RGS4: variants seen among roughly 807,000 people sequenced by gnomAD.
RGS4 encodes schizophrenia disorder 9.
Under a neutral mutation model 21.6 loss-of-function variants are expected in RGS4, and 15 were observed. The ratio of observed to expected loss-of-function variants is 0.69; its 90% CI spans 0.46 to 1.07. The LOEUF is 1.07. RGS4 is among the 50% of genes least tolerant of loss of function. The probability of loss-of-function intolerance (pLI) is 0.00; values close to 1 mark genes in which losing one functional copy is unlikely to be tolerated. For synonymous variants in RGS4, 94 were observed against 85.5 expected (o/e 1.10, Z -0.55); for missense variants, 237 against 239.0 (o/e 0.99, Z 0.06).
chr1:163,069,288 C>T (rs1021407098), upstream of RGS4: 1 of 1,551,242 alleles, frequency 6.4e-7, no homozygotes, highest in Non-Finnish European at 8.7e-7. Flanking sequence ...GGAGCTGGTA[C>T]TGCAGAGCGG....
chr1:163,072,110 TG>T (rs1655336990), intron 1 of RGS4: 1 of 1,110,094 alleles, frequency 9.0e-7, no homozygotes, highest in Non-Finnish European at 1.1e-6. Flanking sequence ...TTGGTCAAAA[TG>T]ACGGGCATAT....
At chr1:163,069,253 G>C, upstream of RGS4, 1 of 1,549,490 alleles carries the variant, frequency 6.5e-7, no homozygotes, top group Non-Finnish European at 8.7e-7. Flanking sequence ...CTCTTTCAGG[G>C]GCTGGAGAGG....
rs948331091 is a variant in RGS4, at chr1:163,076,186, A to T, written c.*1626A>T. On this transcript the variant is annotated 3_prime_UTR_variant, in exon 5 of 5. Transcript: ENST00000367909. ...TTCTTCTAAAACTACTGCCTTTCAA[A>T]GTGCACACACACGCGTCCACATACA... The T allele has an allele frequency of 6.6e-6, 1 of 152,600 alleles. No homozygotes were observed. The highest frequency in any genetic ancestry group is 2.4e-5 in the African/African-American group (1 of 41,450). 9.5% of individuals were successfully genotyped at this position (152,600 alleles called of 1,614,324 possible). A position where few individuals can be genotyped will look rare whatever the true frequency, so the allele number is the denominator to read the frequency against.
upstream of RGS4, chr1:163,069,317 G>A (rs370032435): frequency 5.2e-6 from 8 of 1,551,404 alleles, no homozygotes; most frequent in Non-Finnish European, 7.0e-6. Flanking sequence ...TTGGCTGGAC[G>A]GTCGTAGCTG....
intron 4 of RGS4, chr1:163,073,844 T>C (rs1322544231): frequency 2.1e-5 from 10 of 465,632 alleles, no homozygotes. Context: ...TAATGTGCTA[T>C]CAAACACTAG....
chr1:163,069,252 G>A, upstream of RGS4: 1 of 1,549,036 alleles, frequency 6.5e-7, no homozygotes, highest in Non-Finnish European at 8.7e-7. Flanking sequence ...TCTCTTTCAG[G>A]GGCTGGAGAG....
chr1:163,070,727 T>C (rs979539458), intron 1 of RGS4: 16 of 152,290 alleles, frequency 1.1e-4, no homozygotes, highest in South Asian at 2.1e-4. Context: ...CTGGTAAATA[T>C]TTTGCAAAAC....
At chr1:163,072,202 C>T in intron 1 of RGS4, 193 bp from the exon 2 acceptor site, 1 of 1,006,138 alleles carries the variant, frequency 9.9e-7, no homozygotes, top group Non-Finnish European at 1.3e-6. Flanking sequence ...ATGACTGCCT[C>T]AAGGTTTTGT....
intron 1 of RGS4, among the ~76,000 whole-genome samples, chr1:163,071,267 A>G (rs1043760551): frequency 3.9e-5 from 6 of 152,136 alleles, no homozygotes; most frequent in African/African-American, 1.4e-4. Flanking sequence ...AGAAAATACT[A>G]TTTAAGGGAC....
Position 163,073,461 on chromosome 1 carries a change from C to T in RGS4, c.217C>T (p.Leu73=). Reference sequence around the variant, plus strand: ...TCCTTTCTCCTGTATCATAGGTGGGCTGGCAGCTTTCAAAGCTTTCTTGAA... The same window carrying T: ...TCCTTTCTCCTGTATCATAGGTGGGTTGGCAGCTTTCAAAGCTTTCTTGAA... ...LENLISHECG[L]AAFKAFLKSE... Residue 73 remains leucine, a synonymous_variant, in exon 4 of 5, where the codon CTG becomes TTG. Transcript: ENST00000367909. The T allele has an allele frequency of 6.3e-7, 1 of 1,576,468 alleles. No individual in the cohort carries two copies. The highest frequency in any genetic ancestry group is 1.4e-5 in the African/African-American group (1 of 73,242).
Position 163,073,446 on chromosome 1 carries a change from T to C in RGS4, c.212-10T>C, listed in dbSNP as rs190668999. 3.2e-5 allele frequency: 50 copies of C among 1,560,156 alleles called. No individual in the cohort carries two copies. The Admixed American group carries it at 1.0e-3, about 32-fold the overall frequency. On this transcript the variant is annotated splice_polypyrimidine_tract_variant and intron_variant, in intron 3 of 4. Coordinates refer to ENST00000367909, the MANE Select transcript of RGS4 (RefSeq NM_005613.6). The stretch of plus-strand genomic sequence containing the variant: ...TGATGACAACTGTGGTCCTTTCTCC[T>C]GTATCATAGGTGGGCTGGCAGCTTT...
At chr1:163,070,568 G>C (rs1003560443) in intron 1 of RGS4, 9 of 152,230 alleles carry the variant, frequency 5.9e-5, no homozygotes, top group African/African-American at 1.9e-4. Flanking sequence ...AAGCAGGAGG[G>C]TCTGGCAGAG....
upstream of RGS4, chr1:163,068,882 A>C: frequency 8.1e-7 from 1 of 1,230,562 alleles, no homozygotes; most frequent in South Asian, 1.3e-5. Context: ...CTGCGTGGAG[A>C]CGATGATCCT....
At chr1:163,073,733 A>G in intron 4 of RGS4, 111 bp downstream of exon 4, 1 of 643,322 alleles carries the variant, frequency 1.6e-6, no homozygotes, top group African/African-American at 1.9e-5. Context: ...TGCTATATAC[A>G]TATCTCAAAC....
chr1:163,074,192 A>T (rs1655420164), intron 4 of RGS4, 129 bp from the exon 5 acceptor site: 1 of 1,159,070 alleles, frequency 8.6e-7, no homozygotes, highest in Non-Finnish European at 1.2e-6. Context: ...GAGGACCCCA[A>T]TGTCACTTTT....
chr1:163,071,855 G>GCCGCCCCCCCCC (rs1557859054), intron 1 of RGS4: 2 of 1,816 alleles, frequency 1.1e-3, no homozygotes, highest in Non-Finnish European at 2.1e-3. Context: ...GGAACTGCTT[G>GCCGCCCCCCCCC]CCCCCCCCCC....
Position 163,076,196 on chromosome 1 carries a change from C to T in RGS4, c.*1636C>T, listed in dbSNP as rs1655491730. 1 of 152,614 alleles carries T rather than the reference C, an allele frequency of 6.6e-6. No individual in the cohort carries two copies. The highest frequency in any genetic ancestry group is 6.6e-5 in the Admixed American group (1 of 15,262). 9.5% of individuals were successfully genotyped at this position (152,614 alleles called of 1,614,324 possible). On this transcript the variant is annotated 3_prime_UTR_variant, in exon 5 of 5. Transcript: ENST00000367909. ...ACTACTGCCTTTCAAAGTGCACACA[C>T]ACGCGTCCACATACACTGCATTCGT...
chr1:163,074,050 C>G (rs1260879635), intron 4 of RGS4: 1 of 498,104 alleles, frequency 2.0e-6, no homozygotes, highest in African/African-American at 1.9e-5. Context: ...ATGTGGCTTA[C>G]CATAACCTCC....
At chr1:163,069,839 T>C (rs1655245363) in intron 1 of RGS4, among the ~76,000 whole-genome samples, 1 of 152,152 alleles carries the variant, frequency 6.6e-6, no homozygotes, top group Non-Finnish European at 1.5e-5. Flanking sequence ...CAGTGATCTG[T>C]AATATCTCCA....
Sources: gnomAD v4.1 joint callset for allele counts (sites outside exome capture counted in the v4.1 genomes callset) on GRCh38, gnomAD v4.1.1 for gene constraint, MANE v1.5 for transcripts, NCBI Gene and HGNC (gene_info 2026-07-23, HGNC 2026-07-21) for gene names.